The following PSMB9 variants were observed in gnomAD, a reference collection of about 807,000 sequenced individuals.
PSMB9 encodes proteasome subunit beta type-9.
Under a neutral mutation model 26.9 loss-of-function variants are expected in PSMB9, and 16 were observed. The ratio of observed to expected loss-of-function variants is 0.59; its 90% confidence interval spans 0.40 to 0.90. The LOEUF (loss-of-function observed/expected upper bound fraction) is 0.90. Ranked by LOEUF, PSMB9 falls within the 40% of genes least tolerant of loss-of-function variation. The pLI is 0.00. For missense variants in PSMB9, 253 were observed against 292.2 expected (o/e 0.87, Z 0.98); for synonymous variants, 91 against 112.0 (o/e 0.81, Z 1.18).
intron 3 of PSMB9, chr6:32,857,657 T>C: frequency 1.9e-6 from 1 of 523,496 alleles, no homozygotes; most frequent in East Asian, 3.1e-5. Flanking sequence ...ATATAAATAA[T>C]CAGGAAGAAG....
chr6:32,857,928 T>C, intron 3 of PSMB9, 77 bp from the exon 4 acceptor site: 1 of 1,572,744 alleles, frequency 6.4e-7, no homozygotes, highest in Non-Finnish European at 8.7e-7. Flanking sequence ...AGGGGTCGTT[T>C]AGCAGGGATG....
chr6:32,857,740 C>T, intron 3 of PSMB9: 1 of 556,406 alleles, frequency 1.8e-6, no homozygotes, highest in Non-Finnish European at 3.1e-6. Context: ...CGGAAGTAAC[C>T]TTATCTGCTT....
chr6:32,856,726 A>G (rs1771177105), intron 2 of PSMB9: 1 of 155,788 alleles, frequency 6.4e-6, no homozygotes, highest in African/African-American at 2.4e-5. Context: ...TTCTTACCTT[A>G]GCATTTTTTG....
chr6:32,857,870 A>T, intron 3 of PSMB9, 135 bp from the exon 4 acceptor site: 1 of 986,844 alleles, frequency 1.0e-6, no homozygotes, highest in Non-Finnish European at 1.5e-6. Flanking sequence ...GTTCCCCTGT[A>T]CATGTGGGAG....
In PSMB9 at chr6:32,854,467, G is replaced by A. The variant is rs17220241; in HGVS notation, c.60+178G>A. Among the ~76,000 whole-genome samples the A allele has an allele frequency of 6.6e-6, 1 of 152,152 alleles. No individual in the cohort carries two copies. Among genetic ancestry groups the A allele is most frequent in the Non-Finnish European group, 1.5e-5 (1 of 68,032 alleles). On this transcript the variant is annotated intron_variant, in intron 1 of 5. Transcript: ENST00000374859. This position sits in a 1 kb window ranked among gnomAD's most constrained non-coding sequence, Gnocchi z 4.6. Reference sequence around the variant, plus strand: ...ATAGAGTATTTCTTTTCTGAGGGGGGTCGTCTAGAGTGTCCGTGAAGGGAA... The same window carrying A: ...ATAGAGTATTTCTTTTCTGAGGGGGATCGTCTAGAGTGTCCGTGAAGGGAA...
At position 32,858,161 on chromosome 6, in the gene PSMB9, C is replaced by T. The variant is rs1463778439; in HGVS notation, c.390+27C>T. On this transcript the variant is annotated intron_variant, in intron 4 of 5. Transcript: ENST00000374859. This position sits in a 1 kb window ranked among gnomAD's most constrained non-coding sequence, Gnocchi z 5.2. ...TGAGTTTCTCCCAAAGCACTCTCTCCTCTGGGCTTCCCCACTCTCCTGCAG... is the reference window on the plus strand; with the variant it reads ...TGAGTTTCTCCCAAAGCACTCTCTCTTCTGGGCTTCCCCACTCTCCTGCAG... The T allele has an allele frequency of 6.2e-7, 1 of 1,612,392 alleles. No individual in the cohort carries two copies. Among genetic ancestry groups the T allele is most frequent in the Non-Finnish European group, 8.5e-7 (1 of 1,179,574 alleles).
In PSMB9 at chr6:32,859,522, A is replaced by T. The variant is rs773111783; in HGVS notation, c.650A>T (p.Tyr217Phe). ...TTGGGCAATGAACTGCCAAAATTCT[A>T]TGATGAGTGAACCTTCCCCAGACTT... ...VILGNELPKF[Y>F]DE The change falls in exon 6 of 6, where the codon TAT (tyrosine) becomes TTT (phenylalanine). Residue 217 changes from tyrosine to phenylalanine, a missense_variant. Tyr to Phe is a conservative substitution (Grantham distance 22, BLOSUM62 3). Transcript: ENST00000374859. The T allele has an allele frequency of 6.2e-7, 1 of 1,613,656 alleles. No homozygotes were observed. The highest frequency in any genetic ancestry group is 8.5e-7 in the Non-Finnish European group (1 of 1,179,886).
rs117685154 is a variant in PSMB9 at position 32,854,393 on chromosome 6, G to A, written c.60+104G>A. 121 of 1,130,398 alleles carry A rather than the reference G, an allele frequency of 1.1e-4. No homozygotes were observed. Among genetic ancestry groups the A allele is most frequent in the South Asian group, 4.1e-4 (24 of 58,886 alleles). 70.0% of individuals were successfully genotyped at this position (1,130,398 alleles called of 1,614,324 possible). ...GAAGTGAATGCAGAGACCAACGGGAGCGCAGGGAGGTCGCCTGTAGCAGCC... is the reference window on the plus strand; with the variant it reads ...GAAGTGAATGCAGAGACCAACGGGAACGCAGGGAGGTCGCCTGTAGCAGCC... On this transcript the variant is annotated intron_variant, in intron 1 of 5. Transcript: ENST00000374859. This position sits in a 1 kb window ranked among gnomAD's most constrained non-coding sequence, Gnocchi z 4.6.
intron 3 of PSMB9, 180 bp downstream of exon 3, chr6:32,857,574 C>A: frequency 1.5e-6 from 1 of 663,936 alleles, no homozygotes; most frequent in Non-Finnish European, 2.4e-6. Context: ...AATATAGTAC[C>A]TCATGAGACG....
chr6:32,857,457 T>G, intron 3 of PSMB9, 63 bp downstream of exon 3: 1 of 1,538,302 alleles, frequency 6.5e-7, no homozygotes, highest in Non-Finnish European at 8.7e-7. Context: ...CATGAATCCC[T>G]GTACAGTGTG....
Position 32,858,570 on chromosome 6 carries a change from AG to A in PSMB9, c.532+67del. ...AAACATGGGAAGGAAGTAGATTATGAGGAACAGGAAGAGAAATACAGGGGTG... is the reference window on the plus strand; with the variant it reads ...AAACATGGGAAGGAAGTAGATTATGAGAACAGGAAGAGAAATACAGGGGTG... On this transcript the variant is annotated intron_variant, in intron 5 of 5. Coordinates refer to ENST00000374859, the MANE Select transcript of PSMB9 (RefSeq NM_002800.5). This position sits in a 1 kb window ranked among gnomAD's most constrained non-coding sequence, Gnocchi z 5.2. 6.2e-7 allele frequency: 1 copy of A among 1,605,380 alleles called. No homozygotes were observed. Among genetic ancestry groups the A allele is most frequent in the Non-Finnish European group, 8.5e-7 (1 of 1,175,368 alleles).
chr6:32,859,389 T>C lies in PSMB9; in HGVS notation c.533-16T>C, dbSNP rs760762539. 19 of 1,601,884 alleles carry C rather than the reference T, an allele frequency of 1.2e-5. No homozygotes were observed. The highest frequency in any genetic ancestry group is 1.7e-5 in the Admixed American group (1 of 58,008). On this transcript the variant is annotated splice_polypyrimidine_tract_variant and intron_variant, in intron 5 of 5. Coordinates refer to ENST00000374859, the MANE Select transcript of PSMB9 (RefSeq NM_002800.5). ...CATCCTCTCTCTCCCTCTCTCCAAC[T>C]TGAAACCCTCTGCAGCTATTGCTCT...
chr6:32,858,616 G>A lies in PSMB9; in HGVS notation c.532+111G>A, dbSNP rs1248297648. 5 of 1,411,376 alleles carry A rather than the reference G, an allele frequency of 3.5e-6. No homozygotes were observed. The highest frequency in any genetic ancestry group is 2.8e-5 in the African/African-American group (2 of 70,808). The allele number at this position is 1,411,376 out of a possible 1,614,324, so 87.4% of individuals were successfully genotyped here. A position where few individuals can be genotyped will look rare whatever the true frequency, so the allele number is the denominator to read the frequency against. On this transcript the variant is annotated intron_variant, in intron 5 of 5. Coordinates refer to ENST00000374859, the MANE Select transcript of PSMB9 (RefSeq NM_002800.5). The surrounding 1 kb of genome is among the most constrained non-coding windows in gnomAD (Gnocchi z 5.2). ...GGGGTGGCCATTTAAGTTAATGCCG[G>A]GCCTGGTACACTTTTAAGAGTGAAA... is the stretch of plus-strand genomic sequence containing the variant.
At position 32,854,372 on chromosome 6, in the gene PSMB9, T is replaced by G; in HGVS notation, c.60+83T>G. On this transcript the variant is annotated intron_variant, in intron 1 of 5. Coordinates refer to ENST00000374859, the MANE Select transcript of PSMB9 (RefSeq NM_002800.5). The surrounding 1 kb of genome is among the most constrained non-coding windows in gnomAD (Gnocchi z 4.6). ...GACCCTGGAAGCGCGCGCGGAGAAG[T>G]GAATGCAGAGACCAACGGGAGCGCA... 7.5e-7 allele frequency: 1 copy of G among 1,333,718 alleles called. No homozygotes were observed. The highest frequency in any genetic ancestry group is 9.9e-7 in the Non-Finnish European group (1 of 1,006,902). 82.6% of individuals were successfully genotyped at this position (1,333,718 alleles called of 1,614,324 possible).
rs1174534078 is a variant in PSMB9, at chr6:32,854,277, A to G, written c.48A>G (p.Glu16=). ...CCGGGGACTTACCCCGGGCGGGAGA[A>G]GTCCACACCGGGGTAATGGGTCTGG... is the stretch of plus-strand genomic sequence containing the variant. The part of the protein sequence containing the change: ...APTGDLPRAG[E]VHTGTTIMAV... The change falls in exon 1 of 6, where the codon GAA becomes GAG. Residue 16 remains glutamate (E), a synonymous_variant. Transcript: ENST00000374859. This position sits in a 1 kb window ranked among gnomAD's most constrained non-coding sequence, Gnocchi z 4.6. The G allele has an allele frequency of 2.0e-6, 3 of 1,517,080 alleles. No individual in the cohort carries two copies. Among genetic ancestry groups the G allele is most frequent in the Non-Finnish European group, 1.8e-6 (2 of 1,134,976 alleles). The allele number at this position is 1,517,080 out of a possible 1,614,324, so 94.0% of individuals were successfully genotyped here.
chr6:32,855,693 CAAA>C (rs28986263), intron 1 of PSMB9, among the ~76,000 whole-genome samples: 1 of 141,848 alleles, frequency 7.0e-6, no homozygotes, highest in Non-Finnish European at 1.6e-5. Context: ...GATTGTGGAC[CAAA>C]AAAAAAAAAA....
Position 32,855,004 on chromosome 6 carries a change from G to A in PSMB9, c.60+715G>A, listed in dbSNP as rs535222489. On this transcript the variant is annotated intron_variant, in intron 1 of 5. Coordinates refer to ENST00000374859, the MANE Select transcript of PSMB9 (RefSeq NM_002800.5). ...GACTACTGCCACCACTCGTGGCTTG[G>A]GGGCGGCTTTGTTAGAGAGGAATAG... is the stretch of plus-strand genomic sequence containing the variant. Among the ~76,000 whole-genome samples, 6 of 152,326 alleles carry A rather than the reference G, an allele frequency of 3.9e-5. No homozygotes were observed. The East Asian group carries it at 1.2e-3, about 29-fold the overall frequency.
In PSMB9 at chr6:32,854,269, G is replaced by A. The variant is rs765610201; in HGVS notation, c.40G>A (p.Ala14Thr). ...AGCACCAACCGGGGACTTACCCCGG[G>A]CGGGAGAAGTCCACACCGGGGTAAT... The part of the protein sequence containing the change: ...AGAPTGDLPR[A>T]GEVHTGTTIM... The change falls in exon 1 of 6, where the codon GCG (alanine) becomes ACG (threonine). Residue 14 changes from alanine (A) to threonine (T), a missense_variant. By Grantham distance (58) the Ala-to-Thr change is moderately conservative. Transcript: ENST00000374859. The surrounding 1 kb of genome is among the most constrained non-coding windows in gnomAD (Gnocchi z 4.6). 2.6e-6 allele frequency: 4 copies of A among 1,522,376 alleles called. No individual in the cohort carries two copies. In the South Asian group the frequency reaches 3.8e-5, roughly 14 times the overall value. The allele number at this position is 1,522,376 out of a possible 1,614,324, so 94.3% of individuals were successfully genotyped here.
chr6:32,859,799 A>G lies in PSMB9; in HGVS notation c.*267A>G, dbSNP rs1314186460. On this transcript the variant is annotated 3_prime_UTR_variant, in exon 6 of 6. Coordinates refer to ENST00000374859, the MANE Select transcript of PSMB9 (RefSeq NM_002800.5). ...TGAATGATTTTGAAGTAGTACAAAC[A>G]ATAAAAATTCTCATTCCGCATCATC... 6.6e-6 allele frequency among the ~76,000 whole-genome samples: 1 copy of G among 152,210 alleles called. No individual in the cohort carries two copies. The highest frequency in any genetic ancestry group is 1.5e-5 in the Non-Finnish European group (1 of 68,036).
Sources: gnomAD v4.1 joint callset for allele counts (sites outside exome capture counted in the v4.1 genomes callset) on GRCh38, gnomAD v4.1.1 for gene constraint, Gnocchi (gnomAD v3.1) non-coding constraint, MANE v1.5 for transcripts, NCBI Gene and HGNC (gene_info 2026-07-23, HGNC 2026-07-21) for gene names.